The following COL4A1 variants were observed in gnomAD, a reference collection of about 807,000 sequenced individuals.
COL4A1 encodes collagen type IV alpha 1 chain, also known as collagen alpha-1(IV) chain.
In COL4A1, 40 loss-of-function variants were observed where a neutral mutation model predicts 216.6. The ratio of observed to expected loss-of-function variants is 0.18; its 90% CI spans 0.14 to 0.24. The LOEUF is 0.24. Ranked by LOEUF, COL4A1 falls within the 10% of genes least tolerant of loss-of-function variation. The pLI is 1.00. For synonymous variants in COL4A1, 839 were observed against 810.7 expected, an observed-to-expected ratio of 1.03 and a Z score of -0.59; for missense variants, 1,628 against 2,196.8, an observed-to-expected ratio of 0.74 and a Z score of 5.18.
chr13:110,223,706 G>T (rs944996067), intron 2 of COL4A1, among the ~76,000 whole-genome samples: 2 of 152,200 alleles, frequency 1.3e-5, no homozygotes, highest in African/African-American at 4.8e-5. Flanking sequence ...GGCACAGCAG[G>T]AGGCCTTTAT....
intron 1 of COL4A1, among the ~76,000 whole-genome samples, chr13:110,260,136 A>G (rs1292091398): frequency 6.6e-6 from 1 of 152,112 alleles, no homozygotes; most frequent in East Asian, 1.9e-4. Context: ...AGACTGGGTA[A>G]TTTATAAAGA....
At position 110,307,150 on chromosome 13, in the gene COL4A1, G is replaced by A. The variant is rs1032193782; in HGVS notation, c.-123C>T. ...CGTCCCGGGTGCGGCGGCTCCAAGC[G>A]GAGACCTGAGCGCGGCGGGCCGAGC... On this transcript the variant is annotated 5_prime_UTR_variant, in exon 1 of 52. Transcript: ENST00000375820. The surrounding 1 kb of genome is among the most constrained non-coding windows in gnomAD (Gnocchi z 5.0). 14 of 747,824 alleles carry A rather than the reference G, an allele frequency of 1.9e-5. No homozygotes were observed. Among genetic ancestry groups the A allele is most frequent in the African/African-American group, 1.3e-4 (7 of 53,720 alleles). The allele number at this position is 747,824 out of a possible 1,614,324, so 46.3% of individuals were successfully genotyped here.
At chr13:110,166,139 T>C in intron 45 of COL4A1, 93 bp downstream of exon 45, 2 of 819,292 alleles carry the variant, frequency 2.4e-6, no homozygotes, top group South Asian at 1.3e-5. Context: ...ATTTCACATA[T>C]GAAAAACCAA....
chr13:110,222,412 G>C (rs764557066), intron 2 of COL4A1, among the ~76,000 whole-genome samples: 1 of 152,186 alleles, frequency 6.6e-6, no homozygotes, highest in African/African-American at 2.4e-5. Context: ...CTCGCCACTA[G>C]AGGGAGCTCT....
rs562143825 is a variant in COL4A1, at chr13:110,184,972, T to C, written c.1897+1413A>G. 8.6e-5 allele frequency among the ~76,000 whole-genome samples: 13 copies of C among 151,894 alleles called. No individual in the cohort carries two copies. The South Asian group carries it at 1.7e-3, about 19-fold the overall frequency. ...GGCATGAGCCAGCGTGCCCAGCCTA[T>C]ACACTGTATATTAATAAGGAAATAT... On this transcript the variant is annotated intron_variant, in intron 26 of 51. Transcript: ENST00000375820.
chr13:110,213,711 AG>A, intron 4 of COL4A1, 70 bp downstream of exon 4: 1 of 1,484,078 alleles, frequency 6.7e-7, no homozygotes. Flanking sequence ...AGGAGGGAAA[AG>A]GTGCCCGGCT....
At chr13:110,173,277 G>GA (rs1324491597) in intron 40 of COL4A1, among the ~76,000 whole-genome samples, 2 of 148,008 alleles carry the variant, frequency 1.4e-5, no homozygotes, top group South Asian at 2.1e-4. Flanking sequence ...GTTATGGAAT[G>GA]AAAAAAATGA....
intron 2 of COL4A1, among the ~76,000 whole-genome samples, chr13:110,219,274 T>TA (rs1272255663): frequency 6.6e-6 from 1 of 152,190 alleles, no homozygotes; most frequent in Non-Finnish European, 1.5e-5. Context: ...CTATGAGACA[T>TA]ACAACTGAAC....
intron 1 of COL4A1, 74 bp from the exon 2 acceptor site, chr13:110,242,808 T>A (rs1172370245): frequency 6.7e-7 from 1 of 1,495,758 alleles, no homozygotes; most frequent in Non-Finnish European, 9.3e-7. Context: ...TGGAGATGGT[T>A]CTGGCATCTT....
rs770791698 is a variant in COL4A1, at chr13:110,198,474, G to C, written c.1278C>G (p.Gly426=). The C allele has an allele frequency of 2.5e-6, 4 of 1,613,780 alleles. No homozygotes were observed. Among genetic ancestry groups the C allele is most frequent in the Non-Finnish European group, 3.4e-6 (4 of 1,179,974 alleles). Residue 426 remains glycine (G), a synonymous_variant, in exon 21 of 52, where the codon GGC becomes GGG. Coordinates refer to ENST00000375820, the MANE Select transcript of COL4A1 (RefSeq NM_001845.6). The part of the protein sequence containing the change: ...PGSPGPPGQP[G]YTNGIVECQP... ...ATTTCTGAGGGAACTCACTTGTGTA[G>C]CCAGGCTGCCCAGGGGGCCCAGGGG...
At chr13:110,247,013 T>C (rs1881847451) in intron 1 of COL4A1, among the ~76,000 whole-genome samples, 1 of 152,138 alleles carries the variant, frequency 6.6e-6, no homozygotes, top group African/African-American at 2.4e-5. Flanking sequence ...AGACCAGCCA[T>C]GGACAACAGC....
At chr13:110,209,574 A>G (rs1879680838) in intron 10 of COL4A1, 147 bp from the exon 11 acceptor site, 1 of 700,286 alleles carries the variant, frequency 1.4e-6, no homozygotes, top group African/African-American at 1.8e-5. Flanking sequence ...CTCCCTCCCC[A>G]CTCCTAGCAG....
chr13:110,242,753 T>C lies in COL4A1; in HGVS notation c.85-19A>G. The C allele has an allele frequency of 6.2e-7, 1 of 1,613,856 alleles. No homozygotes were observed. The highest frequency in any genetic ancestry group is 8.5e-7 in the Non-Finnish European group (1 of 1,179,766). ...AGCCACCCTGGAAGGAAAAGAAAAC[T>C]TCTTTAAATAGAAGAACACTTTCAA... On this transcript the variant is annotated intron_variant, in intron 1 of 51. Coordinates refer to ENST00000375820, the MANE Select transcript of COL4A1 (RefSeq NM_001845.6).
intron 2 of COL4A1, among the ~76,000 whole-genome samples, chr13:110,221,065 C>A (rs898379378): frequency 3.9e-5 from 6 of 152,164 alleles, no homozygotes; most frequent in Non-Finnish European, 8.8e-5. Flanking sequence ...TTCTATTGGA[C>A]AAATCCTGAT....
intron 36 of COL4A1, among the ~76,000 whole-genome samples, 164 bp from the exon 37 acceptor site, chr13:110,175,521 G>A (rs568036164): frequency 2.0e-5 from 3 of 152,256 alleles, no homozygotes; most frequent in African/African-American, 7.2e-5. Context: ...TGTATCAATC[G>A]GCTCATGACC....
chr13:110,272,313 T>C (rs1008373666), intron 1 of COL4A1, among the ~76,000 whole-genome samples: 1 of 152,224 alleles, frequency 6.6e-6, no homozygotes. Flanking sequence ...ACATAGACCG[T>C]AGATACGTGA....
In COL4A1 at chr13:110,167,208, A is replaced by G. The variant is rs758276496; in HGVS notation, c.3899T>C (p.Ile1300Thr). 13 of 1,613,888 alleles carry G rather than the reference A, an allele frequency of 8.1e-6. No individual in the cohort carries two copies. Among genetic ancestry groups the G allele is most frequent in the Non-Finnish European group, 1.1e-5 (13 of 1,179,918 alleles). ...CCCCATATCACCCTTAGAGCCTGTG[A>G]TTCCTGGAGAGCCACCAATACCCTA... ...GMPGIGGSPGITGSKGDMGPP... is the reference protein window; with the variant it reads ...GMPGIGGSPGTTGSKGDMGPP... The change falls in exon 44 of 52, where the codon ATC becomes ACC. Residue 1300 changes from isoleucine to threonine, a missense_variant. Physicochemically the swap from Ile to Thr is moderately conservative, Grantham distance 89. Around this residue, in one of 8 missense-constraint regions of COL4A1, gnomAD observed 345 missense variants for 476.9 expected, o/e 0.72. Transcript: ENST00000375820.
chr13:110,212,305 T>C lies in COL4A1; in HGVS notation c.387+112A>G, dbSNP rs1879842603. On this transcript the variant is annotated intron_variant, in intron 6 of 51. Transcript: ENST00000375820. ...TAAAGCAAACTTTAAGACAAGCAAC[T>C]TTCCAATTGTGGCAAATAAAACTCT... 4 of 1,333,048 alleles carry C rather than the reference T, an allele frequency of 3.0e-6. No homozygotes were observed. In the Admixed American group the frequency reaches 5.2e-5, roughly 17 times the overall value. 82.6% of individuals were successfully genotyped at this position (1,333,048 alleles called of 1,614,324 possible). A position where few individuals can be genotyped will look rare whatever the true frequency, so the allele number is the denominator to read the frequency against.
chr13:110,187,450 T>C, intron 24 of COL4A1, 121 bp from the exon 25 acceptor site: 1 of 1,101,676 alleles, frequency 9.1e-7, no homozygotes, highest in Non-Finnish European at 1.3e-6. Context: ...CATGCATTCA[T>C]GCCTCATCAT....
Sources: allele counts gnomAD v4.1 joint callset (sites outside exome capture counted in the v4.1 genomes callset), GRCh38; gene constraint gnomAD v4.1.1; regional missense constraint gnomAD v4.1.1; non-coding constraint Gnocchi (gnomAD v3.1); transcripts MANE v1.5; gene names NCBI Gene and HGNC (gene_info 2026-07-23, HGNC 2026-07-21).